KLHL20: variants seen among roughly 807,000 people sequenced by gnomAD.
The protein encoded by KLHL20 is kelch-like protein 20.
Under a neutral mutation model 69.5 loss-of-function variants are expected in KLHL20, and 29 were observed. The ratio of observed to expected loss-of-function variants is 0.42; its 90% CI spans 0.31 to 0.57. The LOEUF is 0.57. KLHL20 is among the 20% of genes least tolerant of loss of function. KLHL20 has a pLI of 0.18. For missense variants in KLHL20, 419 were observed against 776.0 expected (o/e 0.54, Z 5.47); for synonymous variants, 253 against 265.2 (o/e 0.95, Z 0.45).
intron 2 of KLHL20, among the ~76,000 whole-genome samples, chr1:173,722,975 C>T (rs1026061817): frequency 2.6e-5 from 4 of 152,154 alleles, no homozygotes; most frequent in Non-Finnish European, 5.9e-5. Flanking sequence ...CAGGTGTGAG[C>T]CACCGCGCCT....
intron 6 of KLHL20, 121 bp downstream of exon 6, chr1:173,756,159 A>C: frequency 4.4e-6 from 3 of 689,516 alleles, no homozygotes; most frequent in South Asian, 1.8e-5. Flanking sequence ...ATAAGTCAGC[A>C]TATAGCTTGA....
At chr1:173,752,154 TGAAACCAGGA>T (rs1051590204) in intron 4 of KLHL20, among the ~76,000 whole-genome samples, 7 of 150,590 alleles carry the variant, frequency 4.6e-5, no homozygotes, top group African/African-American at 1.7e-4. Context: ...GAGAATCACT[TGAAACCAGGA>T]GGCGAAGATT....
intron 7 of KLHL20, among the ~76,000 whole-genome samples, chr1:173,765,735 TGAG>T (rs1002764520): frequency 2.0e-5 from 3 of 151,824 alleles, no homozygotes; most frequent in African/African-American, 7.3e-5. Context: ...CAAAAAACGT[TGAG>T]GGAAAAAGCA....
chr1:173,750,640 C>T (rs1253499980), intron 3 of KLHL20, among the ~76,000 whole-genome samples: 1 of 152,128 alleles, frequency 6.6e-6, no homozygotes, highest in African/African-American at 2.4e-5. Flanking sequence ...TCTCAAACTC[C>T]TGACCTCAAG....
At chr1:173,765,119 G>A (rs1006738467) in intron 7 of KLHL20, among the ~76,000 whole-genome samples, 1 of 132,076 alleles carries the variant, frequency 7.6e-6, no homozygotes, top group Non-Finnish European at 1.5e-5. Flanking sequence ...TCACTGAAAA[G>A]GCAATAAAAC....
At chr1:173,764,721 TG>T (rs1344511636) in intron 7 of KLHL20, among the ~76,000 whole-genome samples, 2 of 151,756 alleles carry the variant, frequency 1.3e-5, no homozygotes, top group African/African-American at 4.8e-5. Context: ...TTTGGGGACT[TG>T]GGGGGAAGAG....
At chr1:173,774,469 C>G in intron 9 of KLHL20, 31 bp downstream of exon 9, 1 of 1,612,386 alleles carries the variant, frequency 6.2e-7, no homozygotes, top group Non-Finnish European at 8.5e-7. Flanking sequence ...ATCAGGTTCC[C>G]CAAAAGCAGA....
intron 2 of KLHL20, among the ~76,000 whole-genome samples, chr1:173,723,278 CTG>C (rs75703337): frequency 6.6e-6 from 1 of 152,138 alleles, no homozygotes; most frequent in East Asian, 1.9e-4. Flanking sequence ...CATTTTAGCT[CTG>C]TGGTTAAAAG....
intron 1 of KLHL20, 150 bp from the exon 2 acceptor site, chr1:173,715,853 T>G: frequency 1.8e-6 from 1 of 560,128 alleles, no homozygotes; most frequent in Non-Finnish European, 3.2e-6. Flanking sequence ...TGTACTAGAT[T>G]AAGTTATTGT....
intron 3 of KLHL20, chr1:173,741,612 C>A: frequency 2.2e-6 from 1 of 450,836 alleles, no homozygotes; most frequent in Non-Finnish European, 3.7e-6. Flanking sequence ...AAAGTCAAAG[C>A]CAAGCTGGGG....
intron 4 of KLHL20, 139 bp downstream of exon 4, chr1:173,752,061 C>G (rs1424924623): frequency 1.4e-6 from 1 of 711,620 alleles, no homozygotes; most frequent in East Asian, 3.0e-5. Flanking sequence ...CATGGTGAAA[C>G]CCTGTCTCTA....
intron 10 of KLHL20, among the ~76,000 whole-genome samples, chr1:173,778,751 C>T (rs563486867): frequency 6.6e-6 from 1 of 152,212 alleles, no homozygotes; most frequent in African/African-American, 2.4e-5. Context: ...AATGTATTGG[C>T]ATATATTTGT....
At chr1:173,755,838 C>CAACCTAT in intron 5 of KLHL20, 85 bp from the exon 6 acceptor site, 1 of 824,400 alleles carries the variant, frequency 1.2e-6, no homozygotes, top group Admixed American at 2.6e-5. Flanking sequence ...TTCCCTTTGC[C>CAACCTAT]AACCTATATA....
intron 2 of KLHL20, 32 bp from the exon 3 acceptor site, chr1:173,733,681 C>T (rs1672390199): frequency 6.8e-7 from 1 of 1,462,704 alleles, no homozygotes; most frequent in South Asian, 1.2e-5. Flanking sequence ...ATAATACTGC[C>T]ATCTTCTCTC....
At chr1:173,748,021 G>A (rs1200616470) in intron 3 of KLHL20, among the ~76,000 whole-genome samples, 7 of 151,300 alleles carry the variant, frequency 4.6e-5, no homozygotes, top group Non-Finnish European at 8.8e-5. Flanking sequence ...TAAGAAGGAT[G>A]ATGAGGAAAT....
chr1:173,742,004 A>G, intron 3 of KLHL20: 1 of 548,304 alleles, frequency 1.8e-6, no homozygotes, highest in South Asian at 2.8e-5. Context: ...TGTAACTTGT[A>G]TCATAGACGA....
At chr1:173,778,204 A>G (rs1032168631) in intron 10 of KLHL20, among the ~76,000 whole-genome samples, 1 of 152,044 alleles carries the variant, frequency 6.6e-6, no homozygotes, top group African/African-American at 2.4e-5. Context: ...TATTTCTCCT[A>G]ACGCTATCAC....
intron 3 of KLHL20, among the ~76,000 whole-genome samples, chr1:173,750,202 T>C (rs1041418035): frequency 6.6e-6 from 1 of 152,210 alleles, no homozygotes; most frequent in Non-Finnish European, 1.5e-5. Context: ...GCCATAAAAA[T>C]TGAAGCATTC....
intron 2 of KLHL20, among the ~76,000 whole-genome samples, chr1:173,717,879 G>A (rs570726326): frequency 6.6e-6 from 1 of 152,204 alleles, no homozygotes; most frequent in African/African-American, 2.4e-5. Flanking sequence ...CATTTTATTA[G>A]TAAAGTTTCA....
Sources: allele counts gnomAD v4.1 joint callset (sites outside exome capture counted in the v4.1 genomes callset), GRCh38; gene constraint gnomAD v4.1.1; transcripts MANE v1.5; gene names NCBI Gene and HGNC (gene_info 2026-07-23, HGNC 2026-07-21).